The following EDA2R variants were observed in gnomAD, a reference collection of about 807,000 sequenced individuals.
EDA2R encodes the protein tumor necrosis factor receptor superfamily member 27.
A neutral mutation model predicts 20.1 loss-of-function variants in EDA2R; 26 were observed. The observed-to-expected ratio is 1.30, with a 90% CI of 0.95 to 1.80. EDA2R has a LOEUF of 1.80. EDA2R is among the 40% of genes most tolerant of loss of function. The probability of loss-of-function intolerance (pLI) is 0.00; values close to 1 mark genes in which losing one functional copy is unlikely to be tolerated. For missense variants in EDA2R, 277 were observed against 228.7 expected (o/e 1.21, Z -1.36); for synonymous variants, 114 against 88.7 (o/e 1.29, Z -1.60).
At chrX:66,630,822 TAC>T (rs768792873) in intron 1 of EDA2R, among the ~76,000 whole-genome samples, 1,824 of 93,662 alleles carry the variant, frequency 0.019, 43 homozygotes, top group African/African-American at 0.066. Flanking sequence ...TATATATATA[TAC>T]ACACACACAC....
At chrX:66,619,130 A>G (rs1233133240) in intron 1 of EDA2R, among the ~76,000 whole-genome samples, 1 of 111,492 alleles carries the variant, frequency 9.0e-6, no homozygotes, top group African/African-American at 3.3e-5. Context: ...AAAGGCACCC[A>G]AGCTTCTTCA....
At chrX:66,614,471 C>T (rs1356570766) in intron 2 of EDA2R, among the ~76,000 whole-genome samples, 2 of 112,249 alleles carry the variant, frequency 1.8e-5, no homozygotes, top group Non-Finnish European at 3.8e-5. Context: ...AGATGGGACT[C>T]ATGCCCATGT....
At chrX:66,620,017 C>T (rs1280026153) in intron 1 of EDA2R, among the ~76,000 whole-genome samples, 1 of 111,634 alleles carries the variant, frequency 9.0e-6, no homozygotes, top group Non-Finnish European at 1.9e-5. Context: ...ATCGACTCCT[C>T]CCCAGATAAT....
intron 1 of EDA2R, among the ~76,000 whole-genome samples, chrX:66,630,215 T>G (rs1933590894): frequency 8.9e-6 from 1 of 111,830 alleles, no homozygotes; most frequent in Admixed American, 9.4e-5. Flanking sequence ...GACTTAAATC[T>G]AAGACCCGAA....
chrX:66,635,594 T>A (rs749639941), intron 1 of EDA2R, among the ~76,000 whole-genome samples: 2 of 112,462 alleles, frequency 1.8e-5, no homozygotes, highest in Non-Finnish European at 3.8e-5. Context: ...GGAGGATCCC[T>A]CTTTTTTTTG....
intron 4 of EDA2R, among the ~76,000 whole-genome samples, chrX:66,604,083 TA>T (rs1345260516): frequency 9.0e-6 from 1 of 111,518 alleles, no homozygotes; most frequent in Non-Finnish European, 1.9e-5. Flanking sequence ...CTTCATATAA[TA>T]ATAATATCTC....
intron 2 of EDA2R, among the ~76,000 whole-genome samples, chrX:66,611,566 TTAG>T (rs1342567154): frequency 3.6e-5 from 4 of 111,037 alleles, no homozygotes; most frequent in Non-Finnish European, 5.7e-5. Flanking sequence ...CTGGATGGGC[TTAG>T]TAGTAGAGAA....
At chrX:66,602,564 A>T in intron 5 of EDA2R, 69 bp downstream of exon 5, 2 of 1,083,823 alleles carry the variant, frequency 1.8e-6, no homozygotes, top group Non-Finnish European at 2.5e-6. Context: ...CAACCCCAGA[A>T]CATCCCTCTC....
chrX:66,613,722 T>A (rs1931187304), intron 2 of EDA2R, among the ~76,000 whole-genome samples: 1 of 111,728 alleles, frequency 9.0e-6, no homozygotes, highest in Non-Finnish European at 1.9e-5. Flanking sequence ...GCTGATATAT[T>A]TCAAGAGTCT....
At chrX:66,620,805 A>C (rs1027295524) in intron 1 of EDA2R, among the ~76,000 whole-genome samples, 2 of 109,819 alleles carry the variant, frequency 1.8e-5, no homozygotes, top group African/African-American at 6.6e-5. Flanking sequence ...CTTGCAACTC[A>C]AAAAAAGATA....
intron 1 of EDA2R, among the ~76,000 whole-genome samples, chrX:66,626,005 A>T (rs1379273490): frequency 2.7e-5 from 3 of 111,676 alleles, no homozygotes; most frequent in Non-Finnish European, 5.6e-5. Flanking sequence ...GGACAAAAGA[A>T]TCTGAACAAC....
chrX:66,596,964 C>T lies in EDA2R; in HGVS notation c.*1140G>A, dbSNP rs756882648. On this transcript the variant is annotated 3_prime_UTR_variant, in exon 7 of 7. Coordinates refer to ENST00000374719, the MANE Select transcript of EDA2R (RefSeq NM_021783.5). Reference sequence around the variant, plus strand: ...TGATCAATTGGTTGCCCCAGGGGCCCTTAATCAGTGTTTGTAGATGGATGA... The same window carrying T: ...TGATCAATTGGTTGCCCCAGGGGCCTTTAATCAGTGTTTGTAGATGGATGA... The T allele has an allele frequency of 3.6e-5, 4 of 112,360 alleles. No homozygotes were observed. The East Asian group carries it at 1.1e-3, about 32-fold the overall frequency. 9.3% of individuals were successfully genotyped at this position (112,360 alleles called of 1,213,427 possible).
chrX:66,639,085 C>G (rs1414296001), upstream of EDA2R: 1 of 100,551 alleles, frequency 9.9e-6, no homozygotes, highest in Non-Finnish European at 2.0e-5. Context: ...ACCCAGCCCC[C>G]TCCCGTCACC....
chrX:66,595,892 A>G lies in EDA2R; in HGVS notation c.*2212T>C, dbSNP rs1034202567. 9.0e-6 allele frequency: 1 copy of G among 110,611 alleles called. No individual in the cohort carries two copies. Among genetic ancestry groups the G allele is most frequent in the East Asian group, 2.9e-4 (1 of 3,481 alleles). The allele number at this position is 110,611 out of a possible 1,213,427, so 9.1% of individuals were successfully genotyped here. A position where few individuals can be genotyped will look rare whatever the true frequency, so the allele number is the denominator to read the frequency against. ...TATGATCTCAATGTGACAGGGCTGT[A>G]TGTTGTAGAGGGGTATGCTGTAGTG... On this transcript the variant is annotated 3_prime_UTR_variant, in exon 7 of 7. Transcript: ENST00000374719.
intron 2 of EDA2R, among the ~76,000 whole-genome samples, chrX:66,613,462 G>C (rs1378211938): frequency 1.8e-5 from 2 of 111,266 alleles, no homozygotes; most frequent in African/African-American, 6.5e-5. Context: ...CTATCAAATA[G>C]ATAAAAAGTA....
At chrX:66,619,191 A>G (rs916808267) in intron 1 of EDA2R, among the ~76,000 whole-genome samples, 16 of 111,775 alleles carry the variant, frequency 1.4e-4, no homozygotes, top group Non-Finnish European at 2.8e-4. Context: ...GGATGCCACT[A>G]TAGCAGTTTC....
intron 2 of EDA2R, among the ~76,000 whole-genome samples, chrX:66,607,745 A>T (rs1238377748): frequency 8.9e-6 from 1 of 112,139 alleles, no homozygotes; most frequent in East Asian, 2.8e-4. Context: ...AAGAGGGGAA[A>T]TCTGACTACC....
intron 2 of EDA2R, among the ~76,000 whole-genome samples, chrX:66,607,341 A>G (rs1222382149): frequency 8.9e-6 from 1 of 112,425 alleles, no homozygotes; most frequent in African/African-American, 3.2e-5. Context: ...CTAAATTAAC[A>G]TAGGTTTCAA....
intron 1 of EDA2R, among the ~76,000 whole-genome samples, chrX:66,626,120 C>A (rs1192988183): frequency 2.7e-5 from 3 of 111,363 alleles, no homozygotes; most frequent in African/African-American, 9.8e-5. Flanking sequence ...TAACACCCCC[C>A]AAAAATCACA....
Sources: allele counts gnomAD v4.1 joint callset (sites outside exome capture counted in the v4.1 genomes callset), GRCh38; gene constraint gnomAD v4.1.1; transcripts MANE v1.5; gene names NCBI Gene and HGNC (gene_info 2026-07-23, HGNC 2026-07-21).